STYK1: variants seen among roughly 807,000 people sequenced by gnomAD.
STYK1 encodes tyrosine-protein kinase STYK1.
STYK1 carries 46 observed loss-of-function variants against 48.1 expected under a neutral mutation model. That is an observed-to-expected ratio of 0.96 (90% CI 0.75 to 1.22). The LOEUF (loss-of-function observed/expected upper bound fraction) is 1.22, where lower values mean the gene tolerates loss of function less well. STYK1 is among the 50% of genes most tolerant of loss of function. STYK1 has a pLI of 0.00. For synonymous variants in STYK1, 188 were observed against 189.0 expected, an observed-to-expected ratio of 0.99 and a Z score of 0.04; for missense variants, 527 against 521.1, an observed-to-expected ratio of 1.01 and a Z score of -0.11.
intron 10 of STYK1, 65 bp downstream of exon 10, chr12:10,621,810 CA>C: frequency 6.8e-7 from 1 of 1,465,684 alleles, no homozygotes; most frequent in Non-Finnish European, 9.5e-7. Context: ...TTGAAAAGGG[CA>C]CGATTGATAG....
At chr12:10,654,891 G>T (rs369738952) in intron 1 of STYK1, among the ~76,000 whole-genome samples, 1 of 152,186 alleles carries the variant, frequency 6.6e-6, no homozygotes, top group Non-Finnish European at 1.5e-5. Flanking sequence ...GACACGGGGA[G>T]CTTTTTTCTC....
At chr12:10,651,290 C>T (rs1210521398) in intron 1 of STYK1, among the ~76,000 whole-genome samples, 1 of 152,162 alleles carries the variant, frequency 6.6e-6, no homozygotes, top group East Asian at 1.9e-4. Context: ...ATTATTCAGA[C>T]TCCTAGGTTT....
At position 10,619,910 on chromosome 12, in the gene STYK1, C is replaced by T. The variant is rs1591670870; in HGVS notation, c.*234G>A. ...CTTTGCACAGGTCCACCACTTCTAC[C>T]CAGGATTTCTAGGACTGGGACAGCA... On this transcript the variant is annotated 3_prime_UTR_variant, in exon 11 of 11. Coordinates refer to ENST00000075503, the MANE Select transcript of STYK1 (RefSeq NM_018423.3). 1 of 598,602 alleles carries T rather than the reference C, an allele frequency of 1.7e-6. No individual in the cohort carries two copies. The highest frequency in any genetic ancestry group is 2.2e-5 in the South Asian group (1 of 46,354). The allele number at this position is 598,602 out of a possible 1,614,324, so 37.1% of individuals were successfully genotyped here.
chr12:10,664,185 G>T (rs1008877789), intron 1 of STYK1, among the ~76,000 whole-genome samples: 4 of 152,172 alleles, frequency 2.6e-5, no homozygotes, highest in African/African-American at 9.7e-5. Flanking sequence ...ACTACGTTCT[G>T]TAGTTGTCTT....
At chr12:10,655,452 T>G (rs2120761783) in intron 1 of STYK1, among the ~76,000 whole-genome samples, 1 of 152,358 alleles carries the variant, frequency 6.6e-6, no homozygotes, top group Non-Finnish European at 1.5e-5. Flanking sequence ...CCCAATGCTG[T>G]AGCTTAGTAG....
At chr12:10,656,393 G>T (rs971413555) in intron 1 of STYK1, among the ~76,000 whole-genome samples, 2 of 152,162 alleles carry the variant, frequency 1.3e-5, no homozygotes, top group Non-Finnish European at 2.9e-5. Context: ...TTGGGAGGCT[G>T]AGGCAGGTGG....
intron 8 of STYK1, 126 bp downstream of exon 8, chr12:10,624,525 A>G: frequency 1.2e-6 from 1 of 812,352 alleles, no homozygotes; most frequent in Non-Finnish European, 2.0e-6. Context: ...TTTCTGCTTG[A>G]GAGTATGTCT....
chr12:10,661,172 AT>A (rs1162092164), intron 1 of STYK1, among the ~76,000 whole-genome samples: 1 of 152,206 alleles, frequency 6.6e-6, no homozygotes, highest in Non-Finnish European at 1.5e-5. Context: ...GAGAAACATC[AT>A]GAGTTTACGA....
At chr12:10,657,083 T>C (rs1169363713) in intron 1 of STYK1, among the ~76,000 whole-genome samples, 1 of 152,192 alleles carries the variant, frequency 6.6e-6, no homozygotes, top group African/African-American at 2.4e-5. Context: ...GTGTCCCCAT[T>C]GCCACACTGA....
At chr12:10,632,952 G>A (rs929503792) in intron 4 of STYK1, among the ~76,000 whole-genome samples, 1 of 152,150 alleles carries the variant, frequency 6.6e-6, no homozygotes, top group African/African-American at 2.4e-5. Flanking sequence ...AGAATTTCAG[G>A]ACCTTTGTTT....
At chr12:10,673,350 C>G (rs1947909566) in intron 1 of STYK1, among the ~76,000 whole-genome samples, 1 of 151,974 alleles carries the variant, frequency 6.6e-6, no homozygotes, top group African/African-American at 2.4e-5. Flanking sequence ...GCACTCCAGC[C>G]TGAGTGACAG....
chr12:10,643,044 C>G (rs957616445), intron 1 of STYK1, among the ~76,000 whole-genome samples: 1 of 152,112 alleles, frequency 6.6e-6, no homozygotes, highest in African/African-American at 2.4e-5. Context: ...CCTCTTCATC[C>G]TATTTATCTT....
intron 7 of STYK1, 26 bp from the exon 8 acceptor site, chr12:10,624,885 C>T (rs1378175707): frequency 2.5e-6 from 4 of 1,606,444 alleles, no homozygotes; most frequent in Admixed American, 3.3e-5. Context: ...CAAATATGAT[C>T]AGCTGTCTGA....
chr12:10,657,443 TAAA>T (rs1459366047), intron 1 of STYK1, among the ~76,000 whole-genome samples: 1 of 152,170 alleles, frequency 6.6e-6, no homozygotes, highest in Non-Finnish European at 1.5e-5. Flanking sequence ...GTCAGAAAAA[TAAA>T]AACTGTAATG....
At chr12:10,627,576 T>C in intron 7 of STYK1, 65 bp downstream of exon 7, 1 of 1,402,038 alleles carries the variant, frequency 7.1e-7, no homozygotes, top group African/African-American at 1.4e-5. Flanking sequence ...ATGAGAAATA[T>C]GGCATCAAAA....
Position 10,629,919 on chromosome 12 carries a change from G to A in STYK1, c.452-245C>T, listed in dbSNP as rs547212321. Among the ~76,000 whole-genome samples the A allele has an allele frequency of 2.6e-5, 4 of 152,264 alleles. No individual in the cohort carries two copies. In the East Asian group the frequency reaches 5.8e-4, roughly 22 times the overall value. On this transcript the variant is annotated intron_variant, in intron 5 of 10. Transcript: ENST00000075503. ...ATAGGCTTTCATCTGCCTAAATAGAGAGATAGTCTGTTTGCATTAAAAAGT... is the reference window on the plus strand; with the variant it reads ...ATAGGCTTTCATCTGCCTAAATAGAAAGATAGTCTGTTTGCATTAAAAAGT...
At chr12:10,629,768 C>T in intron 5 of STYK1, 94 bp from the exon 6 acceptor site, 1 of 1,426,760 alleles carries the variant, frequency 7.0e-7, no homozygotes, top group Non-Finnish European at 9.8e-7. Context: ...TGTTAATTCT[C>T]AAGGCCCCAC....
Position 10,620,142 on chromosome 12 carries a change from C to CT in STYK1, c.*1dup, listed in dbSNP as rs1195207579. 1.2e-6 allele frequency: 2 copies of CT among 1,614,254 alleles called. No homozygotes were observed. The highest frequency in any genetic ancestry group is 1.7e-6 in the Non-Finnish European group (2 of 1,180,060). ...GCATGAATGTTTCTTGCCCGAGACT[C>CT]TTCAAAGCATGCTATAGTTGTAGAA... is the stretch of plus-strand genomic sequence containing the variant. On this transcript the variant is annotated 3_prime_UTR_variant, in exon 11 of 11. Coordinates refer to ENST00000075503, the MANE Select transcript of STYK1 (RefSeq NM_018423.3).
At position 10,629,204 on chromosome 12, in the gene STYK1, C is replaced by G. The variant is rs1392205393; in HGVS notation, c.633+289G>C. ...CATTAGCCACCTGTGGCTATTTAAA[C>G]TTATATTACTTAAAATTAAATAAAA... On this transcript the variant is annotated intron_variant, in intron 6 of 10. Coordinates refer to ENST00000075503, the MANE Select transcript of STYK1 (RefSeq NM_018423.3). 2.0e-5 allele frequency among the ~76,000 whole-genome samples: 3 copies of G among 152,296 alleles called. No homozygotes were observed. In the East Asian group the frequency reaches 5.8e-4, roughly 29 times the overall value.
Sources: allele counts gnomAD v4.1 joint callset (sites outside exome capture counted in the v4.1 genomes callset), GRCh38; gene constraint gnomAD v4.1.1; transcripts MANE v1.5; gene names NCBI Gene and HGNC (gene_info 2026-07-23, HGNC 2026-07-21).